SRPK2: variants seen among roughly 807,000 people sequenced by gnomAD.
The protein encoded by SRPK2 is SRSF protein kinase 2.
Under a neutral mutation model 90.8 loss-of-function variants are expected in SRPK2, and 21 were observed. The ratio of observed to expected loss-of-function variants is 0.23; its 90% CI spans 0.16 to 0.33. SRPK2 has a LOEUF of 0.33. Ranked by LOEUF, SRPK2 falls within the 10% of genes least tolerant of loss-of-function variation. The probability of loss-of-function intolerance (pLI) is 1.00; values close to 1 mark genes in which losing one functional copy is unlikely to be tolerated. For synonymous variants in SRPK2, 288 were observed against 311.1 expected, an observed-to-expected ratio of 0.93 and a Z score of 0.78; for missense variants, 620 against 869.0, an observed-to-expected ratio of 0.71 and a Z score of 3.60.
chr7:105,344,407 C>CTTTTTT (rs1178845367), intron 2 of SRPK2, among the ~76,000 whole-genome samples: 1 of 58,456 alleles, frequency 1.7e-5, no homozygotes, highest in African/African-American at 6.1e-5. Flanking sequence ...GCAGCCACAC[C>CTTTTTT]TTTTTTTTTT....
chr7:105,292,311 C>A (rs149232567), intron 2 of SRPK2, among the ~76,000 whole-genome samples: 1 of 152,124 alleles, frequency 6.6e-6, no homozygotes, highest in African/African-American at 2.4e-5. Context: ...AGTTCGAGAC[C>A]AGCCTGGCCA....
chr7:105,312,339 C>T (rs926836852), intron 2 of SRPK2, among the ~76,000 whole-genome samples: 2 of 147,790 alleles, frequency 1.4e-5, no homozygotes, highest in South Asian at 4.3e-4. Context: ...ACTTGGGAGG[C>T]TGAGACTGGA....
chr7:105,302,649 C>T (rs2131276717), intron 2 of SRPK2, among the ~76,000 whole-genome samples: 1 of 152,126 alleles, frequency 6.6e-6, no homozygotes, highest in South Asian at 2.1e-4. Flanking sequence ...TGAACTGCTT[C>T]CCTTTAATAA....
chr7:105,135,184 G>A (rs966851834), intron 11 of SRPK2, among the ~76,000 whole-genome samples: 1 of 152,266 alleles, frequency 6.6e-6, no homozygotes, highest in East Asian at 1.9e-4. Flanking sequence ...TTGAAAAATT[G>A]GATTCAAATC....
At chr7:105,212,164 C>T (rs965561385) in intron 2 of SRPK2, among the ~76,000 whole-genome samples, 3 of 152,126 alleles carry the variant, frequency 2.0e-5, no homozygotes, top group African/African-American at 4.8e-5. Flanking sequence ...TTATAAAACA[C>T]TTGTGGGATC....
intron 3 of SRPK2, among the ~76,000 whole-genome samples, chr7:105,184,849 T>C (rs1015935669): frequency 1.3e-5 from 2 of 152,244 alleles, no homozygotes; most frequent in African/African-American, 4.8e-5. Context: ...CTAAGAATTT[T>C]ACCACTTTAT....
chr7:105,166,161 A>AT (rs1368517663), intron 6 of SRPK2, among the ~76,000 whole-genome samples: 1 of 152,254 alleles, frequency 6.6e-6, no homozygotes, highest in Non-Finnish European at 1.5e-5. Context: ...TTCTGTCAGG[A>AT]TAATTTAAAT....
At chr7:105,172,640 C>T (rs909158772) in intron 3 of SRPK2, among the ~76,000 whole-genome samples, 1 of 152,134 alleles carries the variant, frequency 6.6e-6, no homozygotes, top group African/African-American at 2.4e-5. Flanking sequence ...ACAGAGAACA[C>T]CAAGTATCAT....
intron 2 of SRPK2, chr7:105,268,730 G>C: frequency 6.8e-7 from 1 of 1,472,522 alleles, no homozygotes; most frequent in South Asian, 1.3e-5. Flanking sequence ...AACTTGACAA[G>C]AAAAAAAAAT....
At chr7:105,123,027 A>G (rs1050550656) in intron 15 of SRPK2, among the ~76,000 whole-genome samples, 3 of 152,110 alleles carry the variant, frequency 2.0e-5, no homozygotes, top group Admixed American at 2.0e-4. Flanking sequence ...TTTTCCTACC[A>G]TGATCTGAGG....
intron 2 of SRPK2, among the ~76,000 whole-genome samples, chr7:105,301,306 C>T (rs1810521901): frequency 1.3e-5 from 2 of 150,426 alleles, no homozygotes; most frequent in African/African-American, 2.4e-5. Context: ...AAAAAAAAGC[C>T]GCGGCTCCGG....
chr7:105,369,178 A>G lies in SRPK2; in HGVS notation c.71+19470T>C, dbSNP rs149676538. Among the ~76,000 whole-genome samples the G allele has an allele frequency of 4.7e-3, 703 of 149,794 alleles. 11 individuals carry two copies. In the East Asian group the frequency reaches 0.056, roughly 12 times the overall value. On this transcript the variant is annotated intron_variant, in intron 2 of 15. Coordinates refer to ENST00000393651, the MANE Select transcript of SRPK2 (RefSeq NM_182692.3). ...TTATTATTATTCGAGATAGAGTCTC[A>G]CTCTGTTGCCCAGGCTGCAGTGAAA...
At chr7:105,308,428 A>G (rs982875044) in intron 2 of SRPK2, among the ~76,000 whole-genome samples, 2 of 152,198 alleles carry the variant, frequency 1.3e-5, no homozygotes, top group African/African-American at 2.4e-5. Flanking sequence ...AAAGCCCTGT[A>G]TATTAGAACT....
rs144719411 is a variant in SRPK2, at chr7:105,292,721, T to C, written c.72-88936A>G. Among the ~76,000 whole-genome samples, 1,377 of 152,304 alleles carry C rather than the reference T, an allele frequency of 9.0e-3. 12 individuals are homozygous for C. The highest frequency in any genetic ancestry group is 0.014 in the Non-Finnish European group (980 of 68,026). Reference sequence around the variant, plus strand: ...CAGACTATTGCCTTATGTTGCCATCTGTGTACCCTTCTAATTGGCTGATTT... The same window carrying C: ...CAGACTATTGCCTTATGTTGCCATCCGTGTACCCTTCTAATTGGCTGATTT... On this transcript the variant is annotated intron_variant, in intron 2 of 15. Transcript: ENST00000393651.
intron 2 of SRPK2, among the ~76,000 whole-genome samples, chr7:105,388,198 C>T (rs576850566): frequency 1.1e-3 from 160 of 152,142 alleles, no homozygotes; most frequent in Non-Finnish European, 1.8e-3. Flanking sequence ...CACACTCGGC[C>T]CCTCCGCCTC....
At chr7:105,314,223 T>C (rs942895216) in intron 2 of SRPK2, among the ~76,000 whole-genome samples, 19 of 151,698 alleles carry the variant, frequency 1.3e-4, no homozygotes, top group Admixed American at 4.6e-4. Flanking sequence ...TCCAAGCTAC[T>C]TGGGAGGTTG....
intron 2 of SRPK2, among the ~76,000 whole-genome samples, chr7:105,300,432 T>C (rs549188092): frequency 1.3e-5 from 2 of 152,270 alleles, no homozygotes; most frequent in South Asian, 2.1e-4. Flanking sequence ...CCACGACTTA[T>C]GGAAACAGAA....
intron 2 of SRPK2, among the ~76,000 whole-genome samples, chr7:105,238,731 TTAAA>T (rs1800434945): frequency 1.5e-5 from 2 of 135,318 alleles, no homozygotes; most frequent in South Asian, 4.9e-4. Context: ...TTTATTAAAA[TTAAA>T]TAATTTCTGA....
intron 2 of SRPK2, among the ~76,000 whole-genome samples, chr7:105,318,180 C>T (rs959380556): frequency 6.6e-6 from 1 of 152,172 alleles, no homozygotes; most frequent in African/African-American, 2.4e-5. Flanking sequence ...CTGCAACCGC[C>T]GCCTCCTGGG....
Sources: gnomAD v4.1 joint callset for allele counts (sites outside exome capture counted in the v4.1 genomes callset) on GRCh38, gnomAD v4.1.1 for gene constraint, MANE v1.5 for transcripts, NCBI Gene and HGNC (gene_info 2026-07-23, HGNC 2026-07-21) for gene names.